CAPN14: variants seen among roughly 807,000 people sequenced by gnomAD.
The protein encoded by CAPN14 is calpain-14.
In CAPN14, 94 loss-of-function variants were observed where a neutral mutation model predicts 101.3. The observed-to-expected ratio is 0.93, with a 90% CI of 0.79 to 1.10. The LOEUF (loss-of-function observed/expected upper bound fraction) is 1.10. Among genes scored for constraint, CAPN14 ranks in the 50% least tolerant of loss-of-function variants. CAPN14 has a pLI of 0.00. For missense variants in CAPN14, 837 were observed against 828.4 expected, an observed-to-expected ratio of 1.01 and a Z score of -0.13; for synonymous variants, 338 against 317.9, an observed-to-expected ratio of 1.06 and a Z score of -0.67.
Position 31,174,430 on chromosome 2 carries a change from G to T in CAPN14, c.*251C>A. 1.7e-6 allele frequency: 1 copy of T among 586,658 alleles called. No individual in the cohort carries two copies. Among genetic ancestry groups the T allele is most frequent in the South Asian group, 2.0e-5 (1 of 49,744 alleles). The allele number at this position is 586,658 out of a possible 1,614,324, so 36.3% of individuals were successfully genotyped here. A position where few individuals can be genotyped will look rare whatever the true frequency, so the allele number is the denominator to read the frequency against. ...AGGTAACATCTCCGCTTGTGACAAG[G>T]TTGTGGCCTCAGGGAAGGATGGCTA... On this transcript the variant is annotated 3_prime_UTR_variant, in exon 22 of 22. Coordinates refer to ENST00000403897, the MANE Select transcript of CAPN14 (RefSeq NM_001145122.2).
Position 31,214,677 on chromosome 2 carries a change from C to T in CAPN14, c.-53+2779G>A, listed in dbSNP as rs542799857. Among the ~76,000 whole-genome samples, 19 of 152,212 alleles carry T rather than the reference C, an allele frequency of 1.2e-4. No homozygotes were observed. In the South Asian group the frequency reaches 3.9e-3, roughly 32 times the overall value. On this transcript the variant is annotated intron_variant, in intron 1 of 21. Coordinates refer to ENST00000403897, the MANE Select transcript of CAPN14 (RefSeq NM_001145122.2). ...CTACTCACCCCCAGCTGCCCCACTTCCATTTGACTTTATGAGACACTGCAT... is the reference window on the plus strand; with the variant it reads ...CTACTCACCCCCAGCTGCCCCACTTTCATTTGACTTTATGAGACACTGCAT...
At position 31,181,051 on chromosome 2, in the gene CAPN14, C is replaced by T. The variant is rs1411889082; in HGVS notation, c.1646-51G>A. The T allele has an allele frequency of 2.7e-6, 4 of 1,459,934 alleles. No individual in the cohort carries two copies. The African/African-American group carries it at 5.6e-5, about 21-fold the overall frequency. The allele number at this position is 1,459,934 out of a possible 1,614,324, so 90.4% of individuals were successfully genotyped here. On this transcript the variant is annotated intron_variant, in intron 16 of 21. Transcript: ENST00000403897. ...TGGGGGCTGGCCCCAGGTCTGCACA[C>T]CCCTTTTCTGAGCAGGAAGAGGCAG... is the stretch of plus-strand genomic sequence containing the variant.
chr2:31,209,702 G>A (rs1000909614), intron 1 of CAPN14, among the ~76,000 whole-genome samples: 4 of 152,126 alleles, frequency 2.6e-5, no homozygotes, highest in Non-Finnish European at 4.4e-5. Flanking sequence ...ACTCCTTCAG[G>A]TGGGTCTCAG....
intron 10 of CAPN14, among the ~76,000 whole-genome samples, chr2:31,192,503 T>C (rs1681244886): frequency 6.6e-6 from 1 of 152,176 alleles, no homozygotes; most frequent in South Asian, 2.1e-4. Flanking sequence ...GGAAATACTG[T>C]GTCAAAAGGG....
chr2:31,211,704 G>A (rs1163386651), intron 1 of CAPN14, among the ~76,000 whole-genome samples: 1 of 116,204 alleles, frequency 8.6e-6, no homozygotes, highest in South Asian at 3.1e-4. Flanking sequence ...CACACACGAT[G>A]GGAAGAAAAT....
intron 2 of CAPN14, among the ~76,000 whole-genome samples, chr2:31,204,683 G>A (rs1681978997): frequency 6.6e-6 from 1 of 152,108 alleles, no homozygotes; most frequent in South Asian, 2.1e-4. Context: ...ACCAGGGAGG[G>A]CATGAGAGCT....
chr2:31,198,032 CT>C, intron 7 of CAPN14, among the ~76,000 whole-genome samples: 1 of 152,284 alleles, frequency 6.6e-6, no homozygotes, highest in Admixed American at 6.5e-5. Context: ...ACCAGTAGAC[CT>C]TGTGAAAGGA....
chr2:31,201,606 A>G (rs2148690226), intron 5 of CAPN14, among the ~76,000 whole-genome samples: 1 of 152,296 alleles, frequency 6.6e-6, no homozygotes, highest in Non-Finnish European at 1.5e-5. Flanking sequence ...CCATCCCAGG[A>G]GCAAAGGACA....
intron 2 of CAPN14, 102 bp downstream of exon 2, chr2:31,205,121 G>C (rs1192215433): frequency 1.0e-6 from 1 of 970,866 alleles, no homozygotes; most frequent in African/African-American, 1.6e-5. Flanking sequence ...AGAGGAGAGA[G>C]TAGGAAAAAG....
intron 2 of CAPN14, among the ~76,000 whole-genome samples, chr2:31,225,066 CA>C (rs1458648201): frequency 6.6e-6 from 1 of 151,710 alleles, no homozygotes; most frequent in African/African-American, 2.4e-5. Flanking sequence ...TAGACACAGA[CA>C]AAAGATTAAT....
chr2:31,186,899 T>C (rs1336792911), intron 15 of CAPN14, among the ~76,000 whole-genome samples: 2 of 152,200 alleles, frequency 1.3e-5, no homozygotes, highest in Non-Finnish European at 2.9e-5. Flanking sequence ...TTGTTTTATA[T>C]AGATTGGGAT....
In CAPN14 at chr2:31,174,496, CTTTCTGCATG is replaced by C. The variant is rs1680197812; in HGVS notation, c.*175_*184del. 8.0e-6 allele frequency: 5 copies of C among 628,372 alleles called. No homozygotes were observed. Among genetic ancestry groups the C allele is most frequent in the Non-Finnish European group, 1.4e-5 (5 of 357,264 alleles). The allele number at this position is 628,372 out of a possible 1,614,324, so 38.9% of individuals were successfully genotyped here. A position where few individuals can be genotyped will look rare whatever the true frequency, so the allele number is the denominator to read the frequency against. ...ATGTAATCTTTACTTCCTCCCTTCC[CTTTCTGCATG>C]CTGGCCATGCACGGGGAGGGCTGCA... is the stretch of plus-strand genomic sequence containing the variant. On this transcript the variant is annotated 3_prime_UTR_variant, in exon 22 of 22. Transcript: ENST00000403897.
At position 31,225,785 on chromosome 2, in the gene CAPN14, G is replaced by T. The variant is rs375471112; in HGVS notation, c.-53+743C>A. 8.4e-4 allele frequency among the ~76,000 whole-genome samples: 128 copies of T among 151,780 alleles called. 2 individuals carry two copies. In the South Asian group the frequency reaches 0.026, roughly 31 times the overall value. On this transcript the variant is annotated intron_variant and NMD_transcript_variant, in intron 2 of 21. Transcript: ENST00000398824. ...TGTTGACTGGGGGAAAAGATCAGAT[G>T]GTAAGTTAAATATAAGTGCACAAAA...
At chr2:31,189,720 A>G (rs1199578239) in intron 12 of CAPN14, 1 of 604,896 alleles carries the variant, frequency 1.7e-6, no homozygotes, top group South Asian at 1.5e-5. Flanking sequence ...GATTTGACTT[A>G]CCTTAAAAAC....
At chr2:31,196,960 GTAA>G (rs1681498905) in intron 8 of CAPN14, among the ~76,000 whole-genome samples, 1 of 152,192 alleles carries the variant, frequency 6.6e-6, no homozygotes, top group Non-Finnish European at 1.5e-5. Context: ...TATCTACTTT[GTAA>G]TAGCGTTGTT....
intron 7 of CAPN14, 124 bp downstream of exon 7, chr2:31,199,346 G>C: frequency 1.2e-6 from 1 of 819,978 alleles, no homozygotes; most frequent in Non-Finnish European, 2.0e-6. Flanking sequence ...CGAGGCACAG[G>C]GACCCACCAA....
At chr2:31,191,834 C>T (rs1042227901) in intron 11 of CAPN14, 101 bp downstream of exon 11, 2 of 1,194,246 alleles carry the variant, frequency 1.7e-6, no homozygotes, top group African/African-American at 1.6e-5. Flanking sequence ...GGTCTGTGAA[C>T]AGAGACAGAT....
At chr2:31,202,939 C>T (rs1681871730) in intron 3 of CAPN14, 131 bp downstream of exon 3, 3 of 699,916 alleles carry the variant, frequency 4.3e-6, no homozygotes, top group Non-Finnish European at 2.4e-6. Context: ...AGCGTTTTGC[C>T]AGTGAATAGC....
intron 1 of CAPN14, among the ~76,000 whole-genome samples, chr2:31,231,238 A>AC (rs1683184043): frequency 6.6e-6 from 1 of 151,976 alleles, no homozygotes; most frequent in Admixed American, 6.6e-5. Flanking sequence ...TTTTAGAATC[A>AC]CCTTGTCAAT....
Sources: gnomAD v4.1 joint callset for allele counts (sites outside exome capture counted in the v4.1 genomes callset) on GRCh38, gnomAD v4.1.1 for gene constraint, MANE v1.5 for transcripts, NCBI Gene and HGNC (gene_info 2026-07-23, HGNC 2026-07-21) for gene names.